The following PARG variants were observed in gnomAD, a reference collection of about 807,000 sequenced individuals.
PARG encodes the protein poly(ADP-ribose) glycohydrolase.
Under a neutral mutation model 113.0 loss-of-function variants are expected in PARG, and 35 were observed. The observed-to-expected ratio is 0.31, with a 90% confidence interval of 0.24 to 0.41. The LOEUF (loss-of-function observed/expected upper bound fraction) is 0.41. Among genes scored for constraint, PARG ranks in the 10% least tolerant of loss-of-function variants. The pLI is 1.00. For missense variants in PARG, 797 were observed against 1,169.4 expected, an observed-to-expected ratio of 0.68 and a Z score of 4.64; for synonymous variants, 330 against 409.9, an observed-to-expected ratio of 0.81 and a Z score of 2.36.
chr10:49,929,012 G>T (rs1589007231), intron 4 of PARG, among the ~76,000 whole-genome samples: 1 of 152,288 alleles, frequency 6.6e-6, no homozygotes, highest in Admixed American at 6.5e-5. Flanking sequence ...TCATATAATA[G>T]TTGTGTATTT....
chr10:49,890,306 T>G (rs1234538720), intron 7 of PARG, among the ~76,000 whole-genome samples: 36 of 152,158 alleles, frequency 2.4e-4, no homozygotes, highest in African/African-American at 8.7e-4. Context: ...TCCCACAAAT[T>G]GGCTGTATAT....
At chr10:49,912,031 C>A (rs569428593) in intron 7 of PARG, among the ~76,000 whole-genome samples, 1 of 152,070 alleles carries the variant, frequency 6.6e-6, no homozygotes, top group Non-Finnish European at 1.5e-5. Context: ...TGGGAGCAGC[C>A]GCTCACACCT....
intron 12 of PARG, 66 bp from the exon 13 acceptor site, chr10:49,857,519 A>G (rs374722574): frequency 2.2e-5 from 22 of 999,100 alleles, no homozygotes; most frequent in East Asian, 2.5e-5. Context: ...CAAGAAGCAC[A>G]TAGTCTCTAA....
At chr10:49,931,964 T>A (rs1332679531) in intron 4 of PARG, 136 bp downstream of exon 4, 2 of 638,268 alleles carry the variant, frequency 3.1e-6, no homozygotes, top group African/African-American at 3.7e-5. Flanking sequence ...TGCTCCATTC[T>A]GTAGAATTCT....
At chr10:49,888,792 T>A (rs1377067339) in intron 7 of PARG, among the ~76,000 whole-genome samples, 3 of 152,216 alleles carry the variant, frequency 2.0e-5, no homozygotes, top group Admixed American at 2.0e-4. Context: ...TCAGCCATTA[T>A]TTCTTTGAAT....
chr10:49,851,744 A>G (rs1554834221), intron 13 of PARG, among the ~76,000 whole-genome samples: 1 of 139,086 alleles, frequency 7.2e-6, no homozygotes, highest in Admixed American at 7.6e-5. Context: ...TATTGAAACT[A>G]TTTTCTGGAT....
intron 12 of PARG, among the ~76,000 whole-genome samples, chr10:49,859,064 G>A (rs1564617620): frequency 6.7e-6 from 1 of 148,882 alleles, no homozygotes; most frequent in Non-Finnish European, 1.5e-5. Flanking sequence ...TAAAATTGGA[G>A]CATGGGAGGA....
At chr10:49,906,025 T>G (rs1554844868) in intron 7 of PARG, among the ~76,000 whole-genome samples, 1 of 146,956 alleles carries the variant, frequency 6.8e-6, no homozygotes, top group Non-Finnish European at 1.5e-5. Context: ...AAAAGAGGTG[T>G]CAGAGATGGG....
rs528460486 is a variant in PARG, at chr10:49,828,828, T to C, written c.2647+3975A>G. The stretch of plus-strand genomic sequence containing the variant: ...AGGTTGAGGCTGCAGTGAGCTATGA[T>C]CGCGCCATTGCACCCTAGCCTGGGT... On this transcript the variant is annotated intron_variant, in intron 16 of 17. Transcript: ENST00000616448. 3.9e-5 allele frequency among the ~76,000 whole-genome samples: 6 copies of C among 152,268 alleles called. No homozygotes were observed. The East Asian group carries it at 1.2e-3, about 29-fold the overall frequency.
intron 7 of PARG, among the ~76,000 whole-genome samples, chr10:49,901,463 C>T (rs1306963960): frequency 6.7e-6 from 1 of 149,800 alleles, no homozygotes; most frequent in Non-Finnish European, 1.5e-5. Context: ...ACTCACAGCG[C>T]TATTATAAAA....
Position 49,941,555 on chromosome 10 carries a change from G to T in PARG, c.171C>A (p.Cys57Ter). The T allele has an allele frequency of 6.4e-7, 1 of 1,558,780 alleles. No homozygotes were observed. The highest frequency in any genetic ancestry group is 1.4e-5 in the African/African-American group (1 of 73,472). ...QFRVPPSSPA[C>*]VPGRAGQHRG... ...TGTGCTGTCCCGCCCGCCCTGGGAC[G>T]CAGGCTGGCGAGGACGGTGGGACCC... Residue 57 changes from cysteine (C) to a stop codon, truncating the protein, a stop_gained, in exon 1 of 18, where the codon TGC (cysteine) becomes TGA (stop). Transcript: ENST00000616448. LOFTEE classifies it high-confidence loss of function.
At chr10:49,821,165 T>C (rs1844057040) in intron 16 of PARG, among the ~76,000 whole-genome samples, 1 of 152,032 alleles carries the variant, frequency 6.6e-6, no homozygotes, top group African/African-American at 2.4e-5. Context: ...GTTATAAGAA[T>C]GAAAAAACAA....
chr10:49,873,502 T>C (rs1187912419), intron 9 of PARG, among the ~76,000 whole-genome samples: 1 of 151,534 alleles, frequency 6.6e-6, no homozygotes, highest in African/African-American at 2.4e-5. Flanking sequence ...TGAGTTTGAG[T>C]AGAAGACAGT....
intron 10 of PARG, among the ~76,000 whole-genome samples, chr10:49,868,236 C>A (rs1426515482): frequency 6.6e-6 from 1 of 152,208 alleles, no homozygotes; most frequent in Non-Finnish European, 1.5e-5. Flanking sequence ...ATCCACCCAC[C>A]TTGGCCTCCC....
Position 49,933,919 on chromosome 10 carries a change from G to A in PARG, c.529C>T (p.Leu177=), listed in dbSNP as rs1838617718. 1 of 1,605,266 alleles carries A rather than the reference G, an allele frequency of 6.2e-7. No individual in the cohort carries two copies. The highest frequency in any genetic ancestry group is 1.7e-5 in the Admixed American group (1 of 59,980). Residue 177 remains leucine, a synonymous_variant, in exon 3 of 18, where the codon CTG becomes TTG. Transcript: ENST00000616448. ...LLESEPQTVT[L]VPEQFSNANI... Reference sequence around the variant, plus strand: ...GCATTACTAAACTGCTCTGGTACCAGGGTTACTGTTTGAGGTTCACTTTCC... The same window carrying A: ...GCATTACTAAACTGCTCTGGTACCAAGGTTACTGTTTGAGGTTCACTTTCC...
rs1366773527 is a variant in PARG at position 49,838,748 on chromosome 10, T to C, written c.2541+3202A>G. 2.0e-5 allele frequency among the ~76,000 whole-genome samples: 3 copies of C among 152,172 alleles called. No individual in the cohort carries two copies. In the East Asian group the frequency reaches 5.8e-4, roughly 29 times the overall value. ...AAAAAAAACTCCACCTGCATTTGAC[T>C]GAAAAGAATCTTTTATGAATTATAA... On this transcript the variant is annotated intron_variant, in intron 15 of 17. Coordinates refer to ENST00000616448, the MANE Select transcript of PARG (RefSeq NM_003631.5).
chr10:49,881,561 A>T (rs1204127519), intron 8 of PARG, among the ~76,000 whole-genome samples: 1 of 152,174 alleles, frequency 6.6e-6, no homozygotes, highest in Non-Finnish European at 1.5e-5. Context: ...TCAAAATGGC[A>T]TGCCTAGAGC....
In PARG at chr10:49,832,862, G is replaced by GA. The variant is rs868973182; in HGVS notation, c.2587dup (p.Ser863PhefsTer16). 6.4e-7 allele frequency: 1 copy of GA among 1,550,696 alleles called. No homozygotes were observed. Among genetic ancestry groups the GA allele is most frequent in the African/African-American group, 1.4e-5 (1 of 73,002 alleles). ...GCCCCAGTTTCCTGTGGCCACTGCA[G>GA]AAAGATTCTCTGAAGAAACTCCAGG... is the stretch of plus-strand genomic sequence containing the variant. On this transcript the variant is annotated frameshift_variant, in exon 16 of 18. Transcript: ENST00000616448. LOFTEE classifies it high-confidence loss of function.
chr10:49,883,820 A>C (rs9664940), intron 8 of PARG, among the ~76,000 whole-genome samples: 15,385 of 141,814 alleles, frequency 0.11, 1,533 homozygotes, highest in East Asian at 0.32. Flanking sequence ...AAAAAAAAAA[A>C]AAAACAGGTG....
Sources: allele counts gnomAD v4.1 joint callset (sites outside exome capture counted in the v4.1 genomes callset), GRCh38; gene constraint gnomAD v4.1.1; transcripts MANE v1.5; gene names NCBI Gene and HGNC (gene_info 2026-07-23, HGNC 2026-07-21).